The following ASB14 variants were observed in gnomAD, a reference collection of about 807,000 sequenced individuals.
The protein encoded by ASB14 is ankyrin repeat and SOCS box protein 14.
In ASB14, 63 loss-of-function variants were observed where a neutral mutation model predicts 55.6. The observed-to-expected ratio is 1.13, with a 90% CI of 0.92 to 1.40. The LOEUF (loss-of-function observed/expected upper bound fraction) is 1.40, where lower values mean the gene tolerates loss of function less well. Among genes scored for constraint, ASB14 ranks in the 40% most tolerant of loss-of-function variants. The pLI is 0.00. For synonymous variants in ASB14, 256 were observed against 259.9 expected (o/e 0.98, Z 0.15); for missense variants, 724 against 710.4 (o/e 1.02, Z -0.22).
At chr3:57,292,203 A>T (rs2061138158) in intron 1 of ASB14, 99 bp from the exon 2 acceptor site, 1 of 887,618 alleles carries the variant, frequency 1.1e-6, no homozygotes, top group African/African-American at 1.7e-5. Context: ...TCACTAAAAA[A>T]TTTCTATAAA....
chr3:57,283,210 T>C lies in ASB14; in HGVS notation c.699A>G (p.Glu233=), dbSNP rs775474124. 4 of 1,552,074 alleles carry C rather than the reference T, an allele frequency of 2.6e-6. No homozygotes were observed. In the South Asian group the frequency reaches 4.8e-5, roughly 18 times the overall value. Residue 233 remains glutamate, a synonymous_variant, in exon 6 of 11, where the codon GAA becomes GAG. Transcript: ENST00000487349. ...AGATCTTGCCTTTCCGCAGTAACATTTCCATGATTTCAGTGTGTCCACTTT... is the reference window on the plus strand; with the variant it reads ...AGATCTTGCCTTTCCGCAGTAACATCTCCATGATTTCAGTGTGTCCACTTT... ...AAQSGHTEIM[E]MLLRKGANAH... is the part of the protein sequence containing the mutation.
chr3:57,287,809 T>TGCA, intron 5 of ASB14, 92 bp downstream of exon 5: 2 of 1,324,734 alleles, frequency 1.5e-6, no homozygotes, highest in Non-Finnish European at 2.0e-6. Flanking sequence ...GTGACAGTGC[T>TGCA]GCAACTATGC....
chr3:57,279,176 GAAA>G (rs1469373190), intron 7 of ASB14, among the ~76,000 whole-genome samples: 1 of 150,140 alleles, frequency 6.7e-6, no homozygotes, highest in Non-Finnish European at 1.5e-5. Flanking sequence ...AAGTACCTGA[GAAA>G]AAAGTTTTAT....
At chr3:57,279,908 GC>G (rs1162353735) in intron 7 of ASB14, among the ~76,000 whole-genome samples, 1 of 152,104 alleles carries the variant, frequency 6.6e-6, no homozygotes, top group Non-Finnish European at 1.5e-5. Flanking sequence ...TGTTCTGGCA[GC>G]GGGGGTTGGG....
rs764874147 is a variant in ASB14, at chr3:57,278,849, C to A, written c.959G>T (p.Cys320Phe). 8 of 1,613,764 alleles carry A rather than the reference C, an allele frequency of 5.0e-6. No individual in the cohort carries two copies. In the South Asian group the frequency reaches 7.7e-5, roughly 16 times the overall value. Residue 320 changes from cysteine to phenylalanine, a missense_variant, in exon 8 of 11, where the codon TGT (cysteine) becomes TTT (phenylalanine). Coordinates refer to ENST00000487349, the MANE Select transcript of ASB14 (RefSeq NM_001142733.3). ...IKQSGISPVH[C>F]AAAGAHPQCL... is the part of the protein sequence containing the mutation. ...CTGAGGATGTGCTCCTGCTGCTGCA[C>A]AGTGAACTGGACTGATCCCACTCTG...
At chr3:57,273,727 C>T (rs2060964436) in intron 10 of ASB14, among the ~76,000 whole-genome samples, 1 of 152,120 alleles carries the variant, frequency 6.6e-6, no homozygotes, top group African/African-American at 2.4e-5. Flanking sequence ...ACTGTTTGGT[C>T]CTACTTACAG....
rs530545847 is a variant in ASB14 at position 57,269,822 on chromosome 3, T to A, written c.*23-204A>T. The A allele has an allele frequency of 6.7e-5, 69 of 1,033,258 alleles. No homozygotes were observed. The East Asian group carries it at 1.5e-3, about 22-fold the overall frequency. 64.0% of individuals were successfully genotyped at this position (1,033,258 alleles called of 1,614,324 possible). ...TTGCTTATTTGTTGTAGCTACATTT[T>A]AAAAAAAAGATTGAACTTGATGACT... is the stretch of plus-strand genomic sequence containing the variant. On this transcript the variant is annotated intron_variant, in intron 10 of 10. Coordinates refer to ENST00000487349, the MANE Select transcript of ASB14 (RefSeq NM_001142733.3).
intron 10 of ASB14, chr3:57,270,844 T>C (rs2060932728): frequency 6.6e-6 from 1 of 152,174 alleles, no homozygotes; most frequent in Non-Finnish European, 1.5e-5. Flanking sequence ...TGAAAATGAA[T>C]TGAATGCCTA....
chr3:57,284,094 A>ATGTATGTATGTGTGTGTGTGTGTGTG (rs1553640084), intron 5 of ASB14, among the ~76,000 whole-genome samples: 2 of 136,488 alleles, frequency 1.5e-5, no homozygotes, highest in South Asian at 4.8e-4. Flanking sequence ...AACACTGTGT[A>ATGTATGTATGTGTGTGTGTGTGTGTG]TGTGTGTGTG....
rs149098503 is a variant in ASB14 at position 57,276,524 on chromosome 3, A to G, written c.*22+4T>C. On this transcript the variant is annotated splice_donor_region_variant and intron_variant, in intron 10 of 10. Coordinates refer to ENST00000487349, the MANE Select transcript of ASB14 (RefSeq NM_001142733.3). ...TTTTAAGGAATACAGCTGCAAAATT[A>G]TACCTTTTCCATTAGAATGGTTTGA... 2.6e-5 allele frequency: 41 copies of G among 1,575,086 alleles called. No individual in the cohort carries two copies. In the African/African-American group the frequency reaches 5.6e-4, roughly 21 times the overall value.
At chr3:57,283,127 C>T in intron 6 of ASB14, 67 bp downstream of exon 6, 1 of 1,515,662 alleles carries the variant, frequency 6.6e-7, no homozygotes, top group Non-Finnish European at 8.9e-7. Context: ...TGAAGCTCTC[C>T]ATTAAGAGGA....
intron 7 of ASB14, among the ~76,000 whole-genome samples, chr3:57,279,379 A>AT (rs530044293): frequency 4.7e-4 from 67 of 143,774 alleles, no homozygotes; most frequent in Non-Finnish European, 8.9e-4. Context: ...GGTTCAAGCA[A>AT]TTCTCCTAAG....
rs2060987752 is a variant in ASB14, at chr3:57,276,488, C to A, written c.*22+40G>T. On this transcript the variant is annotated intron_variant, in intron 10 of 10. Coordinates refer to ENST00000487349, the MANE Select transcript of ASB14 (RefSeq NM_001142733.3). Reference sequence around the variant, plus strand: ...GGTAAAGCAAAAAATATGAATCATACATAAGTGAAATTTTAAGGAATACAG... The same window carrying A: ...GGTAAAGCAAAAAATATGAATCATAAATAAGTGAAATTTTAAGGAATACAG... The A allele has an allele frequency of 2.1e-6, 3 of 1,437,418 alleles. No individual in the cohort carries two copies. The Admixed American group carries it at 6.0e-5, about 29-fold the overall frequency. The allele number at this position is 1,437,418 out of a possible 1,614,324, so 89.0% of individuals were successfully genotyped here. A position where few individuals can be genotyped will look rare whatever the true frequency, so the allele number is the denominator to read the frequency against.
chr3:57,283,551 AC>A, intron 5 of ASB14, 112 bp from the exon 6 acceptor site: 2 of 1,098,796 alleles, frequency 1.8e-6, no homozygotes, highest in Non-Finnish European at 2.6e-6. Flanking sequence ...CCACTCCCAG[AC>A]CCGAACATTC....
chr3:57,268,623 C>A lies in ASB14; in HGVS notation c.*1018G>T. ...CCACTTCATAAACAGATGATTCATACCATAGCAGAAAAGGGTCACATCTGT... is the reference window on the plus strand; with the variant it reads ...CCACTTCATAAACAGATGATTCATAACATAGCAGAAAAGGGTCACATCTGT... On this transcript the variant is annotated 3_prime_UTR_variant, in exon 11 of 11. Coordinates refer to ENST00000487349, the MANE Select transcript of ASB14 (RefSeq NM_001142733.3). 7 of 983,268 alleles carry A rather than the reference C, an allele frequency of 7.1e-6. No individual in the cohort carries two copies. Among genetic ancestry groups the A allele is most frequent in the Non-Finnish European group, 8.4e-6 (6 of 715,246 alleles). The allele number at this position is 983,268 out of a possible 1,614,324, so 60.9% of individuals were successfully genotyped here. A position where few individuals can be genotyped will look rare whatever the true frequency, so the allele number is the denominator to read the frequency against.
chr3:57,276,322 G>A (rs928941716), intron 10 of ASB14, among the ~76,000 whole-genome samples: 2 of 151,180 alleles, frequency 1.3e-5, no homozygotes, highest in African/African-American at 4.9e-5. Flanking sequence ...TCTTGCTCCG[G>A]TCACCTAGGC....
At position 57,278,751 on chromosome 3, in the gene ASB14, C is replaced by T. The variant is rs748316104; in HGVS notation, c.1057G>A (p.Asp353Asn). 9.3e-6 allele frequency: 15 copies of T among 1,613,396 alleles called. No homozygotes were observed. The highest frequency in any genetic ancestry group is 3.3e-5 in the Admixed American group (2 of 59,918). Residue 353 changes from aspartate to asparagine, a missense_variant, in exon 8 of 11, where the codon GAT (aspartate) becomes AAT (asparagine). Transcript: ENST00000487349. ...TACAAAGCTGACTTCCTGTGGTCAT[C>T]GTAGTGTTTGTTAATTCTCTGATCC... Reference protein sequence around the residue: ...MLDQRINKHYDDHRKSALYFA... With the variant: ...MLDQRINKHYNDHRKSALYFA...
At chr3:57,272,489 G>GTTAA in intron 10 of ASB14, 1 of 152,182 alleles carries the variant, frequency 6.6e-6, no homozygotes, top group East Asian at 1.9e-4. Context: ...AGGCATTTGA[G>GTTAA]TTAATTTTGC....
chr3:57,277,326 T>C (rs1249261724), intron 9 of ASB14, among the ~76,000 whole-genome samples: 1 of 151,988 alleles, frequency 6.6e-6, no homozygotes, highest in Non-Finnish European at 1.5e-5. Context: ...AACTGAAGAT[T>C]ACCACCCAAA....
Sources: gnomAD v4.1 joint callset for allele counts (sites outside exome capture counted in the v4.1 genomes callset) on GRCh38, gnomAD v4.1.1 for gene constraint, MANE v1.5 for transcripts, NCBI Gene and HGNC (gene_info 2026-07-23, HGNC 2026-07-21) for gene names.